GSK3B: variants seen among roughly 807,000 people sequenced by gnomAD.
The protein encoded by GSK3B is glycogen synthase kinase-3 beta.
A neutral mutation model predicts 56.4 loss-of-function variants in GSK3B; 15 were observed. That is an observed-to-expected ratio of 0.27 (90% CI 0.18 to 0.41). The LOEUF (loss-of-function observed/expected upper bound fraction) is 0.41, where lower values mean the gene tolerates loss of function less well. GSK3B is among the 10% of genes least tolerant of loss of function. The pLI, the probability that GSK3B is intolerant of heterozygous loss-of-function variation, is 1.00. For synonymous variants in GSK3B, 181 were observed against 188.9 expected, an observed-to-expected ratio of 0.96 and a Z score of 0.34; for missense variants, 300 against 513.4, an observed-to-expected ratio of 0.58 and a Z score of 4.02.
intron 3 of GSK3B, among the ~76,000 whole-genome samples, chr3:119,937,782 A>G (rs1291483512): frequency 6.6e-6 from 1 of 151,988 alleles, no homozygotes; most frequent in Non-Finnish European, 1.5e-5. Context: ...ATAGAGATGA[A>G]TAAAACAGAG....
intron 9 of GSK3B, among the ~76,000 whole-genome samples, chr3:119,853,460 A>G (rs984404760): frequency 3.9e-5 from 6 of 152,176 alleles, no homozygotes. Context: ...CTGTGAAGAA[A>G]GTCATTGGTA....
chr3:119,964,959 T>C (rs972652930), intron 2 of GSK3B, among the ~76,000 whole-genome samples: 4 of 151,780 alleles, frequency 2.6e-5, no homozygotes, highest in African/African-American at 9.7e-5. Flanking sequence ...GGAAGGCCGA[T>C]CTAAAAGCTC....
intron 2 of GSK3B, among the ~76,000 whole-genome samples, chr3:119,972,541 C>T (rs7643875): frequency 0.53 from 81,184 of 151,976 alleles, 25,387 homozygotes; most frequent in African/African-American, 0.88. Context: ...GTTCACGCCA[C>T]CCTCCTGCCT....
chr3:119,990,503 AATT>A (rs1163422618), intron 2 of GSK3B, among the ~76,000 whole-genome samples: 2 of 152,218 alleles, frequency 1.3e-5, no homozygotes, highest in African/African-American at 4.8e-5. Flanking sequence ...AAGCTTTCAA[AATT>A]ATTAAGTAAG....
At chr3:119,876,368 T>C in intron 8 of GSK3B, 45 bp downstream of exon 8, 3 of 981,412 alleles carry the variant, frequency 3.1e-6, no homozygotes, top group Non-Finnish European at 4.9e-6. Flanking sequence ...GAAACCTGTT[T>C]TAGTTAACTA....
intron 4 of GSK3B, among the ~76,000 whole-genome samples, chr3:119,919,491 G>A (rs187345740): frequency 6.7e-6 from 1 of 148,518 alleles, no homozygotes; most frequent in East Asian, 2.0e-4. Flanking sequence ...CAATAGATCT[G>A]GCCTCTGAAA....
At chr3:120,038,727 G>C (rs2058041770) in intron 1 of GSK3B, among the ~76,000 whole-genome samples, 1 of 151,588 alleles carries the variant, frequency 6.6e-6, no homozygotes, top group African/African-American at 2.4e-5. Flanking sequence ...AAAATGCAAA[G>C]CTATAAAACT....
At chr3:119,905,204 TAAATAA>T (rs1245401720) in intron 7 of GSK3B, among the ~76,000 whole-genome samples, 1 of 151,576 alleles carries the variant, frequency 6.6e-6, no homozygotes, top group Non-Finnish European at 1.5e-5. Context: ...AAATTTAAAA[TAAATAA>T]AATTATATTA....
rs373559150 is a variant in GSK3B, at chr3:119,894,224, T to G, written c.813+11531A>C. Among the ~76,000 whole-genome samples the G allele has an allele frequency of 5.3e-5, 8 of 152,248 alleles. No individual in the cohort carries two copies. The East Asian group carries it at 1.4e-3, about 26-fold the overall frequency. ...CTTTTTTGGCTATATAACATTGCTATAAACTTTGCGTACATGTTTTGTGTG... is the reference window on the plus strand; with the variant it reads ...CTTTTTTGGCTATATAACATTGCTAGAAACTTTGCGTACATGTTTTGTGTG... On this transcript the variant is annotated intron_variant, in intron 7 of 10. Coordinates refer to ENST00000264235, the MANE Select transcript of GSK3B (RefSeq NM_001146156.2).
chr3:120,075,245 C>A (rs1379549159), intron 1 of GSK3B, among the ~76,000 whole-genome samples: 1 of 151,952 alleles, frequency 6.6e-6, no homozygotes, highest in Admixed American at 6.6e-5. Context: ...ATAATAAGGC[C>A]ATCTATGAAA....
intron 1 of GSK3B, among the ~76,000 whole-genome samples, chr3:120,089,443 T>A (rs533762530): frequency 1.3e-5 from 2 of 152,356 alleles, no homozygotes; most frequent in Non-Finnish European, 2.9e-5. Flanking sequence ...TCTAATAACC[T>A]AATTTTTAGA....
At chr3:120,076,375 T>C (rs933945458) in intron 1 of GSK3B, among the ~76,000 whole-genome samples, 14 of 152,094 alleles carry the variant, frequency 9.2e-5, no homozygotes, top group Admixed American at 1.3e-4. Context: ...CTAAAAAGCT[T>C]CTGCACAGCA....
chr3:119,911,377 T>C (rs1391238640), intron 6 of GSK3B, among the ~76,000 whole-genome samples: 2 of 152,146 alleles, frequency 1.3e-5, no homozygotes, highest in African/African-American at 4.8e-5. Flanking sequence ...ACAGGCAGAA[T>C]ACATTCAGCA....
At chr3:120,085,276 C>A (rs1233451622) in intron 1 of GSK3B, among the ~76,000 whole-genome samples, 1 of 152,080 alleles carries the variant, frequency 6.6e-6, no homozygotes, top group Non-Finnish European at 1.5e-5. Flanking sequence ...GTAATTATAT[C>A]TTATTATTAA....
At chr3:119,973,364 C>T (rs998649696) in intron 2 of GSK3B, among the ~76,000 whole-genome samples, 2 of 152,150 alleles carry the variant, frequency 1.3e-5, no homozygotes, top group Non-Finnish European at 2.9e-5. Context: ...AATATAAATC[C>T]TCTATTTGTC....
intron 1 of GSK3B, among the ~76,000 whole-genome samples, chr3:120,026,881 T>A (rs2057932367): frequency 6.6e-6 from 1 of 151,286 alleles, no homozygotes; most frequent in Non-Finnish European, 1.5e-5. Context: ...AAATATGAAA[T>A]CTTGAAGTAT....
At position 119,825,433 on chromosome 3, in the gene GSK3B, A is replaced by T. The variant is rs2055488072; in HGVS notation, c.*1355T>A. 2 of 229,868 alleles carry T rather than the reference A, an allele frequency of 8.7e-6. No homozygotes were observed. The highest frequency in any genetic ancestry group is 3.6e-4 in the South Asian group (2 of 5,508). The allele number at this position is 229,868 out of a possible 1,614,324, so 14.2% of individuals were successfully genotyped here. A position where few individuals can be genotyped will look rare whatever the true frequency, so the allele number is the denominator to read the frequency against. On this transcript the variant is annotated 3_prime_UTR_variant, in exon 11 of 11. Coordinates refer to ENST00000264235, the MANE Select transcript of GSK3B (RefSeq NM_001146156.2). ...AAACTCTTAACTGGGTGTGGGGGAA[A>T]CATTCTTCTCATGCTTCAACCAGTC...
At chr3:119,946,032 T>C (rs1301191585) in intron 3 of GSK3B, among the ~76,000 whole-genome samples, 1 of 151,026 alleles carries the variant, frequency 6.6e-6, no homozygotes, top group Non-Finnish European at 1.5e-5. Flanking sequence ...TAAAAAGCTC[T>C]AATACTTATG....
chr3:119,888,931 G>A (rs183468024), intron 7 of GSK3B, among the ~76,000 whole-genome samples: 23 of 152,062 alleles, frequency 1.5e-4, no homozygotes, highest in East Asian at 1.4e-3. Flanking sequence ...GAAAAATCCC[G>A]CCCTGGTAAA....
Sources: gnomAD v4.1 joint callset for allele counts (sites outside exome capture counted in the v4.1 genomes callset) on GRCh38, gnomAD v4.1.1 for gene constraint, MANE v1.5 for transcripts, NCBI Gene and HGNC (gene_info 2026-07-23, HGNC 2026-07-21) for gene names.